RIOX2: variants seen among roughly 807,000 people sequenced by gnomAD.
The protein encoded by RIOX2 is ribosomal oxygenase 2, also known as 60S ribosomal protein L27a histidine hydroxylase.
A neutral mutation model predicts 51.2 loss-of-function variants in RIOX2; 43 were observed. The observed-to-expected ratio is 0.84, with a 90% CI of 0.66 to 1.08. The LOEUF (loss-of-function observed/expected upper bound fraction) is 1.08, where lower values mean the gene tolerates loss of function less well. Ranked by LOEUF, RIOX2 falls within the 50% of genes least tolerant of loss-of-function variation. The probability of loss-of-function intolerance (pLI) is 0.00; values close to 1 mark genes in which losing one functional copy is unlikely to be tolerated. For missense variants in RIOX2, 566 were observed against 561.7 expected, an observed-to-expected ratio of 1.01 and a Z score of -0.08; for synonymous variants, 226 against 218.5, an observed-to-expected ratio of 1.03 and a Z score of -0.30.
chr3:97,953,553 T>C (rs1261808385), intron 5 of RIOX2, among the ~76,000 whole-genome samples: 1 of 152,098 alleles, frequency 6.6e-6, no homozygotes, highest in Non-Finnish European at 1.5e-5. Context: ...CTAATATTTG[T>C]ATTTTTTTTA....
intron 4 of RIOX2, among the ~76,000 whole-genome samples, chr3:97,958,065 C>A (rs748651286): frequency 9.2e-5 from 14 of 152,144 alleles, no homozygotes; most frequent in Non-Finnish European, 2.1e-4. Context: ...GTTACCTTTA[C>A]TGTTGTTTAT....
At chr3:97,958,654 T>C (rs996288765) in intron 4 of RIOX2, among the ~76,000 whole-genome samples, 2 of 152,238 alleles carry the variant, frequency 1.3e-5, no homozygotes, top group African/African-American at 4.8e-5. Flanking sequence ...TCCCTGGCTA[T>C]GTTCTGCCTA....
chr3:97,963,795 A>G (rs1576014289), intron 2 of RIOX2, among the ~76,000 whole-genome samples: 1 of 152,266 alleles, frequency 6.6e-6, no homozygotes, highest in Non-Finnish European at 1.5e-5. Flanking sequence ...TTTCTATTTC[A>G]TCTGGACCTT....
At chr3:97,966,080 C>T (rs1705879885) in intron 2 of RIOX2, among the ~76,000 whole-genome samples, 1 of 152,160 alleles carries the variant, frequency 6.6e-6, no homozygotes, top group Non-Finnish European at 1.5e-5. Context: ...TCTAAGAGCA[C>T]TCATACCTCA....
At chr3:97,946,967 A>G (rs2040381906) in intron 8 of RIOX2, among the ~76,000 whole-genome samples, 1 of 152,144 alleles carries the variant, frequency 6.6e-6, no homozygotes, top group Non-Finnish European at 1.5e-5. Context: ...TCCATAATCT[A>G]CAGGATAGAG....
At chr3:97,965,375 G>A (rs2107191259) in intron 2 of RIOX2, among the ~76,000 whole-genome samples, 1 of 152,138 alleles carries the variant, frequency 6.6e-6, no homozygotes, top group East Asian at 1.9e-4. Flanking sequence ...AGCCAGGCAT[G>A]GTGGTATGTG....
intron 4 of RIOX2, among the ~76,000 whole-genome samples, chr3:97,958,503 A>G (rs1705539967): frequency 1.3e-5 from 2 of 152,216 alleles, no homozygotes; most frequent in Admixed American, 6.5e-5. Context: ...CTGAATCCCC[A>G]GAGAAGGAAT....
intron 8 of RIOX2, among the ~76,000 whole-genome samples, chr3:97,946,586 G>GTATATATATATA (rs4061087): frequency 0.031 from 4,002 of 127,404 alleles, 113 homozygotes; most frequent in Middle Eastern, 0.075. Flanking sequence ...TTTTGAGGAT[G>GTATATATATATA]TATATATATA....
intron 1 of RIOX2, among the ~76,000 whole-genome samples, chr3:97,968,021 T>C (rs1348372464): frequency 1.3e-5 from 2 of 152,144 alleles, no homozygotes; most frequent in African/African-American, 4.8e-5. Context: ...TTGGCTCCCA[T>C]CAGCATCAGG....
chr3:97,954,974 C>T (rs1705398690), intron 4 of RIOX2, among the ~76,000 whole-genome samples: 1 of 152,174 alleles, frequency 6.6e-6, no homozygotes, highest in African/African-American at 2.4e-5. Context: ...AGTTTAATAG[C>T]CCCAAACCTT....
At chr3:97,958,993 C>A in intron 4 of RIOX2, 58 bp downstream of exon 4, 1 of 1,526,652 alleles carries the variant, frequency 6.6e-7, no homozygotes, top group East Asian at 2.4e-5. Context: ...CTTGTCTTAG[C>A]AATAGGGGAA....
At chr3:97,958,936 A>G (rs1705557219) in intron 4 of RIOX2, 115 bp downstream of exon 4, 2 of 1,188,038 alleles carry the variant, frequency 1.7e-6, no homozygotes, top group South Asian at 4.0e-5. Flanking sequence ...ACCCAGGGAT[A>G]TATTCCCACG....
In RIOX2 at chr3:97,950,898, G is replaced by T; in HGVS notation, c.786-10C>A. On this transcript the variant is annotated splice_polypyrimidine_tract_variant and intron_variant, in intron 5 of 9. Coordinates refer to ENST00000394198, the MANE Select transcript of RIOX2 (RefSeq NM_153182.4). ...GAAATCTCCCCATGAACTAGGATATGCACCAAGGGGGAAAAAAAAACCAAA... is the reference window on the plus strand; with the variant it reads ...GAAATCTCCCCATGAACTAGGATATTCACCAAGGGGGAAAAAAAAACCAAA... 1 of 1,595,158 alleles carries T rather than the reference G, an allele frequency of 6.3e-7. No individual in the cohort carries two copies.
In RIOX2 at chr3:97,942,673, T is replaced by C. The variant is rs2040257992; in HGVS notation, c.*2511A>G. ...ATTAGTACAGTTGTAAAACTTTCAT[T>C]TGCTACGTGAACTCAGAACAGTTCT... is the stretch of plus-strand genomic sequence containing the variant. On this transcript the variant is annotated 3_prime_UTR_variant, in exon 10 of 10. Transcript: ENST00000394198. The C allele has an allele frequency of 2.5e-6, 1 of 394,232 alleles. No individual in the cohort carries two copies. Among genetic ancestry groups the C allele is most frequent in the East Asian group, 4.2e-5 (1 of 24,030 alleles). The allele number at this position is 394,232 out of a possible 1,614,324, so 24.4% of individuals were successfully genotyped here.
At position 97,961,848 on chromosome 3, in the gene RIOX2, A is replaced by G. The variant is rs1215436177; in HGVS notation, c.433-140T>C. On this transcript the variant is annotated intron_variant, in intron 2 of 9. Coordinates refer to ENST00000394198, the MANE Select transcript of RIOX2 (RefSeq NM_153182.4). Reference sequence around the variant, plus strand: ...TACACCAGATACTGGGAATTATGCAATGATACAGCCAATACCCATGGTCTC... The same window carrying G: ...TACACCAGATACTGGGAATTATGCAGTGATACAGCCAATACCCATGGTCTC... 8 of 924,502 alleles carry G rather than the reference A, an allele frequency of 8.7e-6. No individual in the cohort carries two copies. The East Asian group carries it at 1.7e-4, about 20-fold the overall frequency. The allele number at this position is 924,502 out of a possible 1,614,324, so 57.3% of individuals were successfully genotyped here. A position where few individuals can be genotyped will look rare whatever the true frequency, so the allele number is the denominator to read the frequency against.
intron 7 of RIOX2, among the ~76,000 whole-genome samples, chr3:97,947,693 C>A (rs755984966): frequency 1.7e-4 from 26 of 152,132 alleles, no homozygotes; most frequent in Non-Finnish European, 3.5e-4. Context: ...TTTATAAGTA[C>A]AATAAATAGA....
chr3:97,942,124 T>G lies in RIOX2; in HGVS notation c.*3060A>C. The G allele has an allele frequency of 2.0e-6, 1 of 490,752 alleles. No individual in the cohort carries two copies. Among genetic ancestry groups the G allele is most frequent in the Non-Finnish European group, 3.3e-6 (1 of 299,462 alleles). The allele number at this position is 490,752 out of a possible 1,614,324, so 30.4% of individuals were successfully genotyped here. A position where few individuals can be genotyped will look rare whatever the true frequency, so the allele number is the denominator to read the frequency against. ...CCTACCCACAGCCGTAAAGAAGACA[T>G]TAAAAAAGGCTTACTGAAATTATAC... On this transcript the variant is annotated 3_prime_UTR_variant, in exon 10 of 10. Coordinates refer to ENST00000394198, the MANE Select transcript of RIOX2 (RefSeq NM_153182.4).
chr3:97,942,376 G>T lies in RIOX2; in HGVS notation c.*2808C>A, dbSNP rs763609553. 16 of 1,611,964 alleles carry T rather than the reference G, an allele frequency of 9.9e-6. No homozygotes were observed. The highest frequency in any genetic ancestry group is 1.4e-5 in the Non-Finnish European group (16 of 1,178,590). On this transcript the variant is annotated 3_prime_UTR_variant, in exon 10 of 10. Coordinates refer to ENST00000394198, the MANE Select transcript of RIOX2 (RefSeq NM_153182.4). Reference sequence around the variant, plus strand: ...CTGAACATGGGCAATTCAGGCAGAAGTGGAGACTGAATAAAAATGGAACTA... The same window carrying T: ...CTGAACATGGGCAATTCAGGCAGAATTGGAGACTGAATAAAAATGGAACTA...
At chr3:97,949,300 C>T (rs956951735) in intron 7 of RIOX2, among the ~76,000 whole-genome samples, 13 of 152,144 alleles carry the variant, frequency 8.5e-5, no homozygotes, top group African/African-American at 3.1e-4. Context: ...TGCTTCCTCT[C>T]TCACCATGTG....
Sources: gnomAD v4.1 joint callset for allele counts (sites outside exome capture counted in the v4.1 genomes callset) on GRCh38, gnomAD v4.1.1 for gene constraint, MANE v1.5 for transcripts, NCBI Gene and HGNC (gene_info 2026-07-23, HGNC 2026-07-21) for gene names.